Variants in PPP1R9A observed in about 807,000 individuals in gnomAD.
PPP1R9A encodes the protein protein phosphatase 1 regulatory subunit 9A, also known as neurabin-1.
Under a neutral mutation model 141.9 loss-of-function variants are expected in PPP1R9A, and 59 were observed. That is an observed-to-expected ratio of 0.42 (90% CI 0.34 to 0.52). The LOEUF (loss-of-function observed/expected upper bound fraction) is 0.52, where lower values mean the gene tolerates loss of function less well. Among genes scored for constraint, PPP1R9A ranks in the 20% least tolerant of loss-of-function variants. The pLI is 0.10. For missense variants in PPP1R9A, 1,444 were observed against 1,611.9 expected (o/e 0.90, Z 1.78); for synonymous variants, 500 against 569.7 (o/e 0.88, Z 1.74).
chr7:95,022,456 T>G (rs1423543949), intron 2 of PPP1R9A, among the ~76,000 whole-genome samples: 2 of 152,234 alleles, frequency 1.3e-5, no homozygotes, highest in Admixed American at 6.5e-5. Flanking sequence ...TATTCCTATT[T>G]GAATATCCTT....
chr7:95,284,695 CTTAT>C (rs1174334643), intron 17 of PPP1R9A, among the ~76,000 whole-genome samples: 2 of 152,128 alleles, frequency 1.3e-5, no homozygotes, highest in African/African-American at 2.4e-5. Flanking sequence ...ACATAGCATC[CTTAT>C]TTATTTCTTC....
chr7:95,133,790 G>A lies in PPP1R9A; in HGVS notation c.1649+12958G>A, dbSNP rs1051007110. Among the ~76,000 whole-genome samples, 21 of 151,792 alleles carry A rather than the reference G, an allele frequency of 1.4e-4. 1 individual carries two copies. The highest frequency in any genetic ancestry group is 7.2e-4 in the Admixed American group (11 of 15,230). ...TGGCTCACTGCAACCTCCACCTCCC[G>A]GGTTCAAGCAATTCTCCTGCTCCCA... is the stretch of plus-strand genomic sequence containing the variant. On this transcript the variant is annotated intron_variant, in intron 4 of 19. Transcript: ENST00000433360.
chr7:95,061,827 T>G (rs2152079523), intron 2 of PPP1R9A, among the ~76,000 whole-genome samples: 1 of 152,328 alleles, frequency 6.6e-6, no homozygotes, highest in Middle Eastern at 3.4e-3. Context: ...ACAATAAAAC[T>G]TTATTAACAC....
rs1791704808 is a variant in PPP1R9A, at chr7:94,913,530, G to C, written c.1395+2022G>C. On this transcript the variant is annotated intron_variant, in intron 2 of 19. Transcript: ENST00000433360. ...ATTGCATTTGATTGGGCAGTTAACAGGACTTCTTGGAGTGGATTAAGTTTG... is the reference window on the plus strand; with the variant it reads ...ATTGCATTTGATTGGGCAGTTAACACGACTTCTTGGAGTGGATTAAGTTTG... Among the ~76,000 whole-genome samples, 3 of 152,234 alleles carry C rather than the reference G, an allele frequency of 2.0e-5. No homozygotes were observed. In the South Asian group the frequency reaches 6.2e-4, roughly 32 times the overall value.
At chr7:95,199,620 A>G (rs1789087182) in intron 6 of PPP1R9A, among the ~76,000 whole-genome samples, 3 of 152,212 alleles carry the variant, frequency 2.0e-5, no homozygotes, top group Admixed American at 2.0e-4. Context: ...TGATCAAAGA[A>G]TAATATATTA....
intron 2 of PPP1R9A, among the ~76,000 whole-genome samples, chr7:95,109,594 A>C (rs911443528): frequency 1.3e-5 from 2 of 152,226 alleles, no homozygotes; most frequent in Non-Finnish European, 2.9e-5. Flanking sequence ...TAATCCCAGC[A>C]CTTTGGGAGG....
intron 8 of PPP1R9A, among the ~76,000 whole-genome samples, chr7:95,238,842 G>T (rs1002460472): frequency 2.0e-5 from 3 of 152,080 alleles, no homozygotes; most frequent in African/African-American, 4.8e-5. Context: ...TTAAAATTAT[G>T]AACCTGTCTC....
intron 2 of PPP1R9A, among the ~76,000 whole-genome samples, chr7:94,967,443 G>A (rs1563059210): frequency 6.6e-6 from 1 of 152,020 alleles, no homozygotes; most frequent in African/African-American, 2.4e-5. Context: ...GCTTTCTCTT[G>A]TGGGCATTTA....
chr7:95,121,455 GTCTGTCTATCTATCTATCTATCTA>G lies in PPP1R9A; in HGVS notation c.1649+627_1649+650del, dbSNP rs1357223397. Among the ~76,000 whole-genome samples the G allele has an allele frequency of 5.8e-3, 845 of 144,956 alleles. 10 individuals carry two copies. The highest frequency in any genetic ancestry group is 0.019 in the African/African-American group (720 of 38,836). On this transcript the variant is annotated intron_variant, in intron 4 of 19. Coordinates refer to ENST00000433360, the MANE Select transcript of PPP1R9A (RefSeq NM_001166160.2). The stretch of plus-strand genomic sequence containing the variant: ...TCTCAAGCTATTTGTCTGTCTGTCT[GTCTGTCTATCTATCTATCTATCTA>G]TCTATCTATCTATCTATCTATCTAT...
At chr7:95,178,642 A>G (rs1442264739) in intron 5 of PPP1R9A, among the ~76,000 whole-genome samples, 1 of 152,170 alleles carries the variant, frequency 6.6e-6, no homozygotes, top group Non-Finnish European at 1.5e-5. Flanking sequence ...ACATTAACCA[A>G]GAAAAGAAGA....
chr7:95,010,760 A>G lies in PPP1R9A; in HGVS notation c.1395+99252A>G, dbSNP rs755558987. Among the ~76,000 whole-genome samples the G allele has an allele frequency of 4.6e-5, 7 of 152,152 alleles. No homozygotes were observed. The South Asian group carries it at 1.0e-3, about 23-fold the overall frequency. On this transcript the variant is annotated intron_variant, in intron 2 of 19. Transcript: ENST00000433360. Reference sequence around the variant, plus strand: ...ATAATTTTAAAAAATTCTATATACTACTGTTTTTGAAAATTATAACTATTT... The same window carrying G: ...ATAATTTTAAAAAATTCTATATACTGCTGTTTTTGAAAATTATAACTATTT...
intron 2 of PPP1R9A, among the ~76,000 whole-genome samples, chr7:94,971,462 A>G (rs1439885851): frequency 4.6e-5 from 7 of 152,208 alleles, no homozygotes; most frequent in Non-Finnish European, 1.0e-4. Flanking sequence ...TCTCATTGCA[A>G]AAGAATGTGA....
At chr7:95,142,420 T>C (rs770711948) in intron 4 of PPP1R9A, among the ~76,000 whole-genome samples, 13 of 152,140 alleles carry the variant, frequency 8.5e-5, no homozygotes, top group Non-Finnish European at 1.5e-4. Flanking sequence ...TAGAAGACTT[T>C]ACATATTCTG....
intron 2 of PPP1R9A, among the ~76,000 whole-genome samples, chr7:94,987,729 A>G (rs1584134502): frequency 6.6e-6 from 1 of 152,138 alleles, no homozygotes; most frequent in East Asian, 1.9e-4. Flanking sequence ...TGTATGAGCC[A>G]TTTTTTAACT....
intron 2 of PPP1R9A, among the ~76,000 whole-genome samples, chr7:94,980,651 T>G (rs2151318742): frequency 6.6e-6 from 1 of 151,928 alleles, no homozygotes; most frequent in South Asian, 2.1e-4. Context: ...TAAATTGATT[T>G]CATAACCCTT....
intron 2 of PPP1R9A, among the ~76,000 whole-genome samples, chr7:94,994,136 G>A (rs1801862301): frequency 6.6e-6 from 1 of 151,604 alleles, no homozygotes. Flanking sequence ...TTTTTTCATA[G>A]GTGCGATGAA....
chr7:95,163,590 T>C (rs1380315718), intron 5 of PPP1R9A, among the ~76,000 whole-genome samples: 2 of 152,230 alleles, frequency 1.3e-5, no homozygotes, highest in Non-Finnish European at 2.9e-5. Context: ...AAATCTGAAA[T>C]GCTCTAATGA....
chr7:94,913,349 C>A (rs1374847587), intron 2 of PPP1R9A, among the ~76,000 whole-genome samples: 1 of 152,070 alleles, frequency 6.6e-6, no homozygotes, highest in Non-Finnish European at 1.5e-5. Flanking sequence ...GCTATGATTG[C>A]TTATAACAAT....
At chr7:95,281,438 C>G (rs1240592197) in intron 16 of PPP1R9A, among the ~76,000 whole-genome samples, 4 of 152,128 alleles carry the variant, frequency 2.6e-5, no homozygotes, top group Non-Finnish European at 4.4e-5. Context: ...AGAGGCCCAG[C>G]TTCTGTGATC....
Sources: gnomAD v4.1 joint callset for allele counts (sites outside exome capture counted in the v4.1 genomes callset) on GRCh38, gnomAD v4.1.1 for gene constraint, MANE v1.5 for transcripts, NCBI Gene and HGNC (gene_info 2026-07-23, HGNC 2026-07-21) for gene names.